Variants in CAMK2B observed in about 807,000 individuals in gnomAD.
CAMK2B encodes calcium/calmodulin dependent protein kinase II beta.
CAMK2B carries 27 observed loss-of-function variants against 93.7 expected under a neutral mutation model. The observed-to-expected ratio is 0.29, with a 90% CI of 0.21 to 0.40. CAMK2B has a LOEUF of 0.40. Ranked by LOEUF, CAMK2B falls within the 10% of genes least tolerant of loss-of-function variation. CAMK2B has a pLI of 1.00. For missense variants in CAMK2B, 568 were observed against 895.8 expected, an observed-to-expected ratio of 0.63 and a Z score of 4.67; for synonymous variants, 374 against 358.8, an observed-to-expected ratio of 1.04 and a Z score of -0.48.
intron 1 of CAMK2B, among the ~76,000 whole-genome samples, chr7:44,296,738 T>C (rs1283200990): frequency 6.6e-6 from 1 of 152,178 alleles, no homozygotes; most frequent in Admixed American, 6.5e-5. Context: ...ATCAGACTTC[T>C]CAAGCTCACA....
intron 2 of CAMK2B, among the ~76,000 whole-genome samples, chr7:44,266,166 G>T (rs776100538): frequency 2.0e-5 from 3 of 151,822 alleles, no homozygotes; most frequent in East Asian, 1.9e-4. Context: ...TTAAAAATTC[G>T]GGCAAAAAAT....
chr7:44,223,153 T>C (rs2096433172), intron 20 of CAMK2B, among the ~76,000 whole-genome samples: 2 of 152,194 alleles, frequency 1.3e-5, no homozygotes, highest in Non-Finnish European at 2.9e-5. Context: ...TGTGCATGTG[T>C]GTGTGCAGTG....
In CAMK2B at chr7:44,228,995, C is replaced by T. The variant is rs761693546; in HGVS notation, c.1340-71G>A. ...CGAGGCGGCGGCAAGGCGGAGGAGGCCAGTGGGAGGGGTCCCGTGTTCTAG... is the reference window on the plus strand; with the variant it reads ...CGAGGCGGCGGCAAGGCGGAGGAGGTCAGTGGGAGGGGTCCCGTGTTCTAG... On this transcript the variant is annotated intron_variant, in intron 18 of 23. Coordinates refer to ENST00000395749, the MANE Select transcript of CAMK2B (RefSeq NM_001220.5). 2.7e-6 allele frequency: 4 copies of T among 1,462,086 alleles called. No individual in the cohort carries two copies. The African/African-American group carries it at 4.2e-5, about 15-fold the overall frequency. 90.6% of individuals were successfully genotyped at this position (1,462,086 alleles called of 1,614,324 possible). A position where few individuals can be genotyped will look rare whatever the true frequency, so the allele number is the denominator to read the frequency against.
chr7:44,272,185 G>A (rs115958674), intron 2 of CAMK2B, among the ~76,000 whole-genome samples: 2,094 of 152,270 alleles, frequency 0.014, 49 homozygotes, highest in African/African-American at 0.048. Context: ...GGGGAATTGG[G>A]GGGGTGGGCA....
chr7:44,295,125 T>C (rs1039484735), intron 1 of CAMK2B, among the ~76,000 whole-genome samples: 1 of 152,236 alleles, frequency 6.6e-6, no homozygotes, highest in Non-Finnish European at 1.5e-5. Context: ...ACAGGGTTGA[T>C]GTGTTAGAAT....
intron 6 of CAMK2B, chr7:44,244,821 CG>C (rs1205012856): frequency 2.5e-6 from 1 of 406,542 alleles, no homozygotes; most frequent in South Asian, 1.7e-5. Flanking sequence ...ACTGAGCAGG[CG>C]GGATGAGGCC....
In CAMK2B at chr7:44,278,499, C is replaced by G. The variant is rs548781808; in HGVS notation, c.160+5632G>C. On this transcript the variant is annotated intron_variant, in intron 2 of 23. Coordinates refer to ENST00000395749, the MANE Select transcript of CAMK2B (RefSeq NM_001220.5). The stretch of plus-strand genomic sequence containing the variant: ...CCAAGACCCCATCCCTCACCTCCCC[C>G]ATTCCTCCTCAGCTAGGAAAGCCCA... Among the ~76,000 whole-genome samples, 7 of 152,284 alleles carry G rather than the reference C, an allele frequency of 4.6e-5. No homozygotes were observed. The South Asian group carries it at 1.4e-3, about 32-fold the overall frequency.
At chr7:44,229,069 G>C in intron 18 of CAMK2B, 145 bp from the exon 19 acceptor site, 3 of 804,292 alleles carry the variant, frequency 3.7e-6, no homozygotes, top group South Asian at 2.9e-5. Flanking sequence ...TGCCTCAATA[G>C]CAGGGAGCCC....
chr7:44,306,701 C>T (rs1791618470), intron 1 of CAMK2B, among the ~76,000 whole-genome samples: 1 of 151,386 alleles, frequency 6.6e-6, no homozygotes, highest in Non-Finnish European at 1.5e-5. Flanking sequence ...TCAATCTGGC[C>T]ATGCTGAAAC....
intron 16 of CAMK2B, 93 bp from the exon 17 acceptor site, chr7:44,231,147 G>T: frequency 1.0e-5 from 7 of 671,016 alleles, no homozygotes; most frequent in South Asian, 5.3e-5. Flanking sequence ...CCTGTGTCAG[G>T]ACCAGCCCAG....
chr7:44,322,479 T>A (rs1482452540), intron 1 of CAMK2B, among the ~76,000 whole-genome samples: 1 of 152,258 alleles, frequency 6.6e-6, no homozygotes, highest in Non-Finnish European at 1.5e-5. Context: ...GTTCATTTTA[T>A]TATTTCTGGG....
At chr7:44,229,699 G>A (rs919664281) in intron 17 of CAMK2B, 198 bp from the exon 18 acceptor site, 123 of 473,408 alleles carry the variant, frequency 2.6e-4, no homozygotes, top group Non-Finnish European at 5.9e-5. Context: ...GAAGGCTGAA[G>A]GAGCCAACAC....
At chr7:44,291,664 T>TAATA (rs1359523178) in intron 1 of CAMK2B, among the ~76,000 whole-genome samples, 3 of 152,238 alleles carry the variant, frequency 2.0e-5, no homozygotes, top group Admixed American at 2.0e-4. Flanking sequence ...TACTCACTTA[T>TAATA]AGGAAAGAAC....
intron 19 of CAMK2B, among the ~76,000 whole-genome samples, chr7:44,228,121 C>T (rs534711585): frequency 6.1e-4 from 92 of 152,008 alleles, no homozygotes; most frequent in Non-Finnish European, 1.1e-3. Context: ...CAGCAAGAAG[C>T]TGTCAGGTAA....
intron 3 of CAMK2B, among the ~76,000 whole-genome samples, chr7:44,259,854 G>A (rs946639496): frequency 6.6e-6 from 1 of 152,196 alleles, no homozygotes; most frequent in Non-Finnish European, 1.5e-5. Flanking sequence ...CAGCCAACAC[G>A]CTAGGGCTGT....
chr7:44,251,097 T>C (rs1584215183), intron 5 of CAMK2B, among the ~76,000 whole-genome samples: 1 of 152,172 alleles, frequency 6.6e-6, no homozygotes, highest in Admixed American at 6.5e-5. Context: ...CCTTGGCAGG[T>C]ACCAGGCAGG....
chr7:44,308,385 T>C (rs981652444), intron 1 of CAMK2B, among the ~76,000 whole-genome samples: 2 of 152,108 alleles, frequency 1.3e-5, no homozygotes, highest in African/African-American at 2.4e-5. Flanking sequence ...GCCTGCCCCA[T>C]GCCTGTGTGT....
intron 2 of CAMK2B, among the ~76,000 whole-genome samples, chr7:44,277,437 G>C (rs566538579): frequency 1.3e-5 from 2 of 152,152 alleles, no homozygotes; most frequent in Non-Finnish European, 2.9e-5. Flanking sequence ...CGAGTATTTC[G>C]GTAAGTGGGG....
chr7:44,298,632 C>T (rs1788987075), intron 1 of CAMK2B, among the ~76,000 whole-genome samples: 1 of 152,154 alleles, frequency 6.6e-6, no homozygotes, highest in African/African-American at 2.4e-5. Context: ...TGCAATTCAC[C>T]TATCTGATGA....
Sources: allele counts gnomAD v4.1 joint callset (sites outside exome capture counted in the v4.1 genomes callset), GRCh38; gene constraint gnomAD v4.1.1; transcripts MANE v1.5; gene names NCBI Gene and HGNC (gene_info 2026-07-23, HGNC 2026-07-21).